The following ABTB3 variants were observed in gnomAD, a reference collection of about 807,000 sequenced individuals.
ABTB3 encodes the protein ankyrin repeat- and BTB/POZ domain-containing protein 3.
the ABTB3 span, among the ~76,000 whole-genome samples, chr12:107,383,444 T>A: frequency 6.6e-6 from 1 of 152,224 alleles, no homozygotes; most frequent in Non-Finnish European, 1.5e-5. Flanking sequence ...TGACCCTGGG[T>A]AGATTCCTTA....
At chr12:107,510,824 A>G in the ABTB3 span, among the ~76,000 whole-genome samples, 759 of 152,264 alleles carry the variant, frequency 5.0e-3, 32 homozygotes, top group Admixed American at 0.047. Flanking sequence ...TGAGAGGCTG[A>G]CGTGGGAGGA....
At chr12:107,614,286 A>G in the ABTB3 span, among the ~76,000 whole-genome samples, 3 of 152,036 alleles carry the variant, frequency 2.0e-5, no homozygotes, top group African/African-American at 7.2e-5. Context: ...CCAATCTCAG[A>G]TTGTTCATTC....
the ABTB3 span, among the ~76,000 whole-genome samples, chr12:107,455,405 G>A: frequency 2.0e-5 from 3 of 151,966 alleles, no homozygotes; most frequent in South Asian, 2.1e-4. Flanking sequence ...GTCTCTCAGT[G>A]GGGGATCTTA....
At chr12:107,601,599 G>A in the ABTB3 span, among the ~76,000 whole-genome samples, 9 of 152,236 alleles carry the variant, frequency 5.9e-5, no homozygotes, top group African/African-American at 2.2e-4. Flanking sequence ...ACTAAGAACT[G>A]GGCCATGCAG....
chr12:107,482,949 TTTC>T, the ABTB3 span, among the ~76,000 whole-genome samples: 1 of 39,148 alleles, frequency 2.6e-5, no homozygotes, highest in South Asian at 1.1e-3. Context: ...TCTTTCTTTC[TTTC>T]TTTCTTTCTT....
At chr12:107,501,527 C>T in the ABTB3 span, among the ~76,000 whole-genome samples, 1 of 151,944 alleles carries the variant, frequency 6.6e-6, no homozygotes, top group African/African-American at 2.4e-5. Context: ...AGTGAAACTC[C>T]ATCTCTACAA....
At chr12:107,617,993 C>T in the ABTB3 span, among the ~76,000 whole-genome samples, 1 of 152,116 alleles carries the variant, frequency 6.6e-6, no homozygotes, top group African/African-American at 2.4e-5. Flanking sequence ...CCTCCATCCC[C>T]AAAATGTGGC....
the ABTB3 span, among the ~76,000 whole-genome samples, chr12:107,413,109 C>T: frequency 6.6e-6 from 1 of 152,060 alleles, no homozygotes; most frequent in East Asian, 1.9e-4. Flanking sequence ...CCTGTCTCTA[C>T]TAAAAATACA....
At chr12:107,529,026 G>C in the ABTB3 span, among the ~76,000 whole-genome samples, 1 of 151,574 alleles carries the variant, frequency 6.6e-6, no homozygotes, top group Non-Finnish European at 1.5e-5. Flanking sequence ...TGATGATAAT[G>C]GTGATGGTGA....
chr12:107,527,404 T>C, the ABTB3 span, among the ~76,000 whole-genome samples: 1 of 152,160 alleles, frequency 6.6e-6, no homozygotes, highest in African/African-American at 2.4e-5. Flanking sequence ...CCCAAGTAGC[T>C]GGGACTACAG....
At chr12:107,488,243 C>T in the ABTB3 span, among the ~76,000 whole-genome samples, 1 of 151,990 alleles carries the variant, frequency 6.6e-6, no homozygotes, top group African/African-American at 2.4e-5. Flanking sequence ...TCTCTTCGTG[C>T]CTGGTGGGTG....
At chr12:107,476,584 C>G in the ABTB3 span, among the ~76,000 whole-genome samples, 2 of 151,848 alleles carry the variant, frequency 1.3e-5, no homozygotes, top group African/African-American at 4.8e-5. Flanking sequence ...TGTCACTAGA[C>G]CTCTGGGACA....
chr12:107,655,000 T>C, the ABTB3 span, among the ~76,000 whole-genome samples: 1 of 152,070 alleles, frequency 6.6e-6, no homozygotes, highest in East Asian at 1.9e-4. Context: ...TGATTAGCCT[T>C]GTGCTCTTCT....
At chr12:107,653,526 A>C in the ABTB3 span, among the ~76,000 whole-genome samples, 175 of 150,834 alleles carry the variant, frequency 1.2e-3, no homozygotes, top group African/African-American at 3.9e-3. Flanking sequence ...CAAAAAAAAA[A>C]AAAGAAAGAA....
At chr12:107,320,173 C>T in the ABTB3 span, 1 of 1,330,424 alleles carries the variant, frequency 7.5e-7, no homozygotes, top group Non-Finnish European at 9.7e-7. Flanking sequence ...CCCAGCCACG[C>T]GCTGCTGTCC....
chr12:107,336,228 C>T, the ABTB3 span, among the ~76,000 whole-genome samples: 4 of 152,224 alleles, frequency 2.6e-5, no homozygotes, highest in African/African-American at 9.6e-5. Flanking sequence ...TCTCAAAGGT[C>T]TGAGGTTGAA....
the ABTB3 span, among the ~76,000 whole-genome samples, chr12:107,491,635 C>T: frequency 6.6e-6 from 1 of 152,016 alleles, no homozygotes; most frequent in African/African-American, 2.4e-5. Flanking sequence ...CCAGCCTGGC[C>T]AACATGATGA....
chr12:107,383,854 C>T, the ABTB3 span, among the ~76,000 whole-genome samples: 5 of 152,320 alleles, frequency 3.3e-5, no homozygotes, highest in East Asian at 7.7e-4. Flanking sequence ...AAATTGCAGA[C>T]AGTTCAGATA....
At chr12:107,439,903 T>C in the ABTB3 span, among the ~76,000 whole-genome samples, 1 of 152,246 alleles carries the variant, frequency 6.6e-6, no homozygotes, top group African/African-American at 2.4e-5. Context: ...GCTTTTTAAA[T>C]GTCAACCTGC....
Sources: allele counts gnomAD v4.1 joint callset (sites outside exome capture counted in the v4.1 genomes callset), GRCh38; gene constraint gnomAD v4.1.1; transcripts MANE v1.5; gene names NCBI Gene and HGNC (gene_info 2026-07-23, HGNC 2026-07-21).